The following RAB38 variants were observed in gnomAD, a reference collection of about 807,000 sequenced individuals.
The protein encoded by RAB38 is ras-related protein Rab-38.
RAB38 carries 15 observed loss-of-function variants against 18.4 expected under a neutral mutation model. The ratio of observed to expected loss-of-function variants is 0.82; its 90% CI spans 0.55 to 1.26. RAB38 has a LOEUF of 1.26. Ranked by LOEUF, RAB38 falls within the 50% of genes most tolerant of loss-of-function variation. The pLI is 0.00. For synonymous variants in RAB38, 101 were observed against 104.4 expected, an observed-to-expected ratio of 0.97 and a Z score of 0.20; for missense variants, 294 against 267.4, an observed-to-expected ratio of 1.10 and a Z score of -0.69.
chr11:87,890,995 T>C, the RAB38 span, among the ~76,000 whole-genome samples: 3 of 151,880 alleles, frequency 2.0e-5, no homozygotes, highest in Admixed American at 1.3e-4. Flanking sequence ...AGGCCATGTG[T>C]ACCTGCATAG....
chr11:87,866,795 C>T, the RAB38 span, among the ~76,000 whole-genome samples: 4 of 151,796 alleles, frequency 2.6e-5, no homozygotes, highest in Non-Finnish European at 5.9e-5. Context: ...TCGACATGCC[C>T]AGAATGGAAG....
chr11:87,952,820 C>T, the RAB38 span, among the ~76,000 whole-genome samples: 1 of 152,050 alleles, frequency 6.6e-6, no homozygotes, highest in Non-Finnish European at 1.5e-5. Context: ...ATAGCACATG[C>T]TTATTGATAA....
the RAB38 span, chr11:87,817,476 A>C: frequency 6.6e-6 from 1 of 152,116 alleles, no homozygotes; most frequent in African/African-American, 2.4e-5. Context: ...ATCGATACTA[A>C]CTTAATTTTT....
the RAB38 span, among the ~76,000 whole-genome samples, chr11:88,026,630 A>C: frequency 6.6e-6 from 1 of 150,702 alleles, no homozygotes; most frequent in Admixed American, 6.6e-5. Context: ...CGCCCGCCTC[A>C]GCCTCCCAAA....
At chr11:88,021,517 AC>A in the RAB38 span, among the ~76,000 whole-genome samples, 2 of 152,042 alleles carry the variant, frequency 1.3e-5, no homozygotes, top group African/African-American at 4.8e-5. Flanking sequence ...TTAAAGAAGA[AC>A]TAATACTAAT....
At chr11:88,039,571 G>C in the RAB38 span, among the ~76,000 whole-genome samples, 1 of 152,174 alleles carries the variant, frequency 6.6e-6, no homozygotes, top group African/African-American at 2.4e-5. Context: ...CTTTCTTCTT[G>C]AGGTTCAAGT....
the RAB38 span, among the ~76,000 whole-genome samples, chr11:88,056,973 A>C: frequency 6.6e-6 from 1 of 152,198 alleles, no homozygotes; most frequent in African/African-American, 2.4e-5. Flanking sequence ...CTCGGTGAAT[A>C]TATAATGAGT....
At chr11:88,168,617 G>C (rs12291977) in intron 1 of RAB38, among the ~76,000 whole-genome samples, 66 of 152,178 alleles carry the variant, frequency 4.3e-4, no homozygotes, top group Non-Finnish European at 7.1e-4. Flanking sequence ...AATTAATAAA[G>C]TTTCTCAGGC....
chr11:88,145,878 G>A (rs1162760298), intron 2 of RAB38, among the ~76,000 whole-genome samples: 1 of 152,062 alleles, frequency 6.6e-6, no homozygotes, highest in Non-Finnish European at 1.5e-5. Flanking sequence ...GGCAAAATGG[G>A]ACACATGATT....
At chr11:88,080,773 T>A in the RAB38 span, among the ~76,000 whole-genome samples, 1 of 150,692 alleles carries the variant, frequency 6.6e-6, no homozygotes, top group Non-Finnish European at 1.5e-5. Context: ...ATAAAATAAC[T>A]TAATGGAGAA....
the RAB38 span, among the ~76,000 whole-genome samples, chr11:87,976,892 T>C: frequency 2.6e-5 from 1 of 38,980 alleles, no homozygotes; most frequent in African/African-American, 8.2e-5. Flanking sequence ...GTATTATATA[T>C]TATATGTTAT....
At chr11:87,808,248 T>C in the RAB38 span, among the ~76,000 whole-genome samples, 223 of 152,302 alleles carry the variant, frequency 1.5e-3, 1 homozygote, top group Non-Finnish European at 1.6e-3. Context: ...TGAAGAGATA[T>C]CTAAGCTCCC....
chr11:88,029,540 C>T, the RAB38 span, among the ~76,000 whole-genome samples: 1 of 151,960 alleles, frequency 6.6e-6, no homozygotes, highest in Non-Finnish European at 1.5e-5. Context: ...GGAAGATCTA[C>T]CAAGCAAATG....
chr11:87,964,854 T>C, the RAB38 span, among the ~76,000 whole-genome samples: 2 of 152,108 alleles, frequency 1.3e-5, no homozygotes. Flanking sequence ...AAATTACTTA[T>C]TTCACTAAAA....
At chr11:88,159,359 C>T (rs1165561653) in intron 1 of RAB38, among the ~76,000 whole-genome samples, 3 of 151,610 alleles carry the variant, frequency 2.0e-5, no homozygotes, top group African/African-American at 7.3e-5. Context: ...AAAAAACATT[C>T]CAAGCTCATA....
the RAB38 span, among the ~76,000 whole-genome samples, chr11:87,881,489 G>C: frequency 6.6e-6 from 1 of 151,776 alleles, no homozygotes. Context: ...TAAATGTGGA[G>C]ACTGCATCAT....
the RAB38 span, among the ~76,000 whole-genome samples, chr11:87,909,245 A>T: frequency 6.6e-6 from 1 of 152,010 alleles, no homozygotes. Flanking sequence ...ATTAGCATTT[A>T]CTAGTCAATG....
chr11:88,012,460 T>A, the RAB38 span, among the ~76,000 whole-genome samples: 1 of 152,154 alleles, frequency 6.6e-6, no homozygotes, highest in African/African-American at 2.4e-5. Flanking sequence ...ACTTACTGGA[T>A]TATTTTTCCT....
intron 1 of RAB38, among the ~76,000 whole-genome samples, chr11:88,158,467 A>G (rs901078855): frequency 2.0e-5 from 3 of 152,200 alleles, no homozygotes; most frequent in Admixed American, 6.5e-5. Context: ...GACAGACACA[A>G]TGAAAAAAGA....
Sources: allele counts gnomAD v4.1 joint callset (sites outside exome capture counted in the v4.1 genomes callset), GRCh38; gene constraint gnomAD v4.1.1; transcripts MANE v1.5; gene names NCBI Gene and HGNC (gene_info 2026-07-23, HGNC 2026-07-21).